Variants in ZBTB26 observed in about 807,000 individuals in gnomAD.
ZBTB26 encodes zinc finger and BTB domain containing 26.
Under a neutral mutation model 31.6 loss-of-function variants are expected in ZBTB26, and 12 were observed. The ratio of observed to expected loss-of-function variants is 0.38; its 90% confidence interval spans 0.24 to 0.61. ZBTB26 has a LOEUF of 0.61. Ranked by LOEUF, ZBTB26 falls within the 20% of genes least tolerant of loss-of-function variation. The probability of loss-of-function intolerance (pLI) is 0.60; values close to 1 mark genes in which losing one functional copy is unlikely to be tolerated. For synonymous variants in ZBTB26, 155 were observed against 182.9 expected (o/e 0.85, Z 1.23); for missense variants, 311 against 521.9 (o/e 0.60, Z 3.94).
At chr9:122,929,474 C>T (rs1322236678) in intron 1 of ZBTB26, among the ~76,000 whole-genome samples, 1 of 152,168 alleles carries the variant, frequency 6.6e-6, no homozygotes, top group African/African-American at 2.4e-5. Flanking sequence ...AGCCGTATTT[C>T]CTAGGATCAA....
intron 1 of ZBTB26, among the ~76,000 whole-genome samples, chr9:122,930,209 C>CA (rs1046663000): frequency 5.9e-5 from 9 of 151,546 alleles, no homozygotes; most frequent in Non-Finnish European, 1.0e-4. Flanking sequence ...TCAACATGTC[C>CA]AAAAAATGAA....
intron 1 of ZBTB26, among the ~76,000 whole-genome samples, chr9:122,922,274 C>T (rs1252540517): frequency 6.6e-6 from 1 of 152,058 alleles, no homozygotes; most frequent in East Asian, 1.9e-4. Context: ...AAAAACACCA[C>T]TTTCTAAACA....
At chr9:122,920,055 T>C (rs1833072898) in intron 1 of ZBTB26, 111 bp from the exon 2 acceptor site, 1 of 1,259,298 alleles carries the variant, frequency 7.9e-7, no homozygotes, top group African/African-American at 1.5e-5. Flanking sequence ...TTTGTATGTA[T>C]CCAAATGAAA....
intron 1 of ZBTB26, among the ~76,000 whole-genome samples, chr9:122,921,091 C>CA (rs886599068): frequency 6.6e-6 from 1 of 152,180 alleles, no homozygotes; most frequent in African/African-American, 2.4e-5. Context: ...ACCCATTCAA[C>CA]AATGGAGAAG....
chr9:122,919,667 T>C lies in ZBTB26; in HGVS notation c.268A>G (p.Ser90Gly). 1 of 1,614,210 alleles carries C rather than the reference T, an allele frequency of 6.2e-7. No homozygotes were observed. The highest frequency in any genetic ancestry group is 2.2e-5 in the East Asian group (1 of 44,892). Residue 90 changes from serine (S) to glycine (G), a missense_variant, in exon 2 of 2, where the codon AGT (serine) becomes GGT (glycine). Physicochemically the swap from Ser to Gly is moderately conservative, Grantham distance 56. Around this residue, in one of 5 missense-constraint regions of ZBTB26, gnomAD observed 207 missense variants for 298.6 expected, o/e 0.69. Transcript: ENST00000373656. The surrounding 1 kb of genome is among the most constrained non-coding windows in gnomAD (Gnocchi z 6.1). Reference sequence around the variant, plus strand: ...ATCTCAGGGAATTCCAGCACACCACTATAACAGGATAAGAGCAATTGTCTC... The same window carrying C: ...ATCTCAGGGAATTCCAGCACACCACCATAACAGGATAAGAGCAATTGTCTC... ...VGRQLLLSCY[S>G]GVLEFPEMEL...
rs576780297 is a variant in ZBTB26, at chr9:122,918,585, G to C, written c.*24C>G. 1.3e-6 allele frequency: 2 copies of C among 1,593,294 alleles called. No homozygotes were observed. Among genetic ancestry groups the C allele is most frequent in the South Asian group, 1.1e-5 (1 of 87,470 alleles). Reference sequence around the variant, plus strand: ...CTATTGCCACATTGTCAGTCAGTTCGAGTTGTGAGCATGAAGCCCCTACTC... The same window carrying C: ...CTATTGCCACATTGTCAGTCAGTTCCAGTTGTGAGCATGAAGCCCCTACTC... On this transcript the variant is annotated 3_prime_UTR_variant, in exon 2 of 2. Coordinates refer to ENST00000373656, the MANE Select transcript of ZBTB26 (RefSeq NM_020924.4).
At position 122,917,127 on chromosome 9, in the gene ZBTB26, T is replaced by C. The variant is rs575637700; in HGVS notation, c.*1482A>G. The C allele has an allele frequency of 2.0e-5, 3 of 152,342 alleles. No homozygotes were observed. Among genetic ancestry groups the C allele is most frequent in the Non-Finnish European group, 4.4e-5 (3 of 68,024 alleles). 9.4% of individuals were successfully genotyped at this position (152,342 alleles called of 1,614,324 possible). ...CTCTGCGATATTTTGTTGGCAAAATTCAGGTTGTCTCAGAAAGCCAACAGG... is the reference window on the plus strand; with the variant it reads ...CTCTGCGATATTTTGTTGGCAAAATCCAGGTTGTCTCAGAAAGCCAACAGG... On this transcript the variant is annotated 3_prime_UTR_variant, in exon 2 of 2. Transcript: ENST00000373656.
chr9:122,930,529 T>C (rs1833256395), intron 1 of ZBTB26, among the ~76,000 whole-genome samples: 1 of 152,260 alleles, frequency 6.6e-6, no homozygotes, highest in Admixed American at 6.5e-5. Flanking sequence ...CCCTTCTCTA[T>C]GGGCTTTCTA....
At chr9:122,923,614 T>A (rs1833134689) in intron 1 of ZBTB26, among the ~76,000 whole-genome samples, 1 of 152,220 alleles carries the variant, frequency 6.6e-6, no homozygotes, top group Admixed American at 6.5e-5. Flanking sequence ...AAAAGTGGCA[T>A]TCTTTTTTAG....
chr9:122,928,163 T>C (rs1445393609), intron 1 of ZBTB26, among the ~76,000 whole-genome samples: 3 of 152,230 alleles, frequency 2.0e-5, no homozygotes, highest in Non-Finnish European at 2.9e-5. Context: ...ACAATACTTC[T>C]ATATGTCTAG....
chr9:122,926,924 T>C (rs1359682928), intron 1 of ZBTB26, among the ~76,000 whole-genome samples: 2 of 152,228 alleles, frequency 1.3e-5, no homozygotes, highest in Non-Finnish European at 2.9e-5. Flanking sequence ...CTTCTAAGTA[T>C]AGCAGTAATT....
At chr9:122,929,781 C>G (rs1338535871) in intron 1 of ZBTB26, among the ~76,000 whole-genome samples, 1 of 152,090 alleles carries the variant, frequency 6.6e-6, no homozygotes, top group Non-Finnish European at 1.5e-5. Flanking sequence ...TACTAAATTG[C>G]TTTTTAAAAG....
rs1206867316 is a variant in ZBTB26 at position 122,916,707 on chromosome 9, G to A, written c.*1902C>T. 2 of 152,046 alleles carry A rather than the reference G, an allele frequency of 1.3e-5. No individual in the cohort carries two copies. The highest frequency in any genetic ancestry group is 4.8e-5 in the African/African-American group (2 of 41,388). 9.4% of individuals were successfully genotyped at this position (152,046 alleles called of 1,614,324 possible). A position where few individuals can be genotyped will look rare whatever the true frequency, so the allele number is the denominator to read the frequency against. On this transcript the variant is annotated 3_prime_UTR_variant, in exon 2 of 2. Transcript: ENST00000373656. The stretch of plus-strand genomic sequence containing the variant: ...TAGACCATATAATGAGTGATGTTAG[G>A]CATAAGGTACCTATTAGTCTTACCA...
At position 122,918,733 on chromosome 9, in the gene ZBTB26, G is replaced by T; in HGVS notation, c.1202C>A (p.Ala401Glu). Residue 401 changes from alanine (A) to glutamate (E), a missense_variant, in exon 2 of 2, where the codon GCA becomes GAA. Transcript: ENST00000373656. ...QDLTVDFDSFACTTVTDSKGC... is the reference protein window; with the variant it reads ...QDLTVDFDSFECTTVTDSKGC... ...TTTAGAGTCTGTGACTGTTGTACAT[G>T]CAAAAGAATCAAAATCCACTGTGAG... 1 of 1,614,152 alleles carries T rather than the reference G, an allele frequency of 6.2e-7. No individual in the cohort carries two copies. Among genetic ancestry groups the T allele is most frequent in the South Asian group, 1.1e-5 (1 of 91,082 alleles).
chr9:122,918,841 T>C lies in ZBTB26; in HGVS notation c.1094A>G (p.His365Arg). The change falls in exon 2 of 2, where the codon CAT becomes CGT. Residue 365 changes from histidine to arginine, a missense_variant. Around this residue, in one of 5 missense-constraint regions of ZBTB26, gnomAD observed 25 missense variants for 93.0 expected, o/e 0.27. Transcript: ENST00000373656. ...KCNYCDMVFA[H>R]KPVLRKHLKQ... ...AAGGTGTTTCCTCAAAACTGGTTTATGTGCAAAAACCATATCACAATAGTT... is the reference window on the plus strand; with the variant it reads ...AAGGTGTTTCCTCAAAACTGGTTTACGTGCAAAAACCATATCACAATAGTT... 1.2e-6 allele frequency: 2 copies of C among 1,614,232 alleles called. No individual in the cohort carries two copies. Among genetic ancestry groups the C allele is most frequent in the Non-Finnish European group, 1.7e-6 (2 of 1,180,022 alleles).
intron 1 of ZBTB26, among the ~76,000 whole-genome samples, chr9:122,920,521 T>C (rs1442367628): frequency 6.6e-6 from 1 of 152,200 alleles, no homozygotes; most frequent in Admixed American, 6.5e-5. Flanking sequence ...TTTAAACAAC[T>C]GCACTGACAC....
In ZBTB26 at chr9:122,916,651, A is replaced by G. The variant is rs979956888; in HGVS notation, c.*1958T>C. 1 of 152,348 alleles carries G rather than the reference A, an allele frequency of 6.6e-6. No individual in the cohort carries two copies. Among genetic ancestry groups the G allele is most frequent in the Middle Eastern group, 3.4e-3 (1 of 294 alleles). The allele number at this position is 152,348 out of a possible 1,614,324, so 9.4% of individuals were successfully genotyped here. A position where few individuals can be genotyped will look rare whatever the true frequency, so the allele number is the denominator to read the frequency against. On this transcript the variant is annotated 3_prime_UTR_variant, in exon 2 of 2. Transcript: ENST00000373656. ...AGAATTGGTACTCTTTGGCTGGATC[A>G]TGTAAAAATCACAATGCTAGGAAGC...
Position 122,918,621 on chromosome 9 carries a change from A to G in ZBTB26, c.1314T>C (p.Thr438=), listed in dbSNP as rs768228711. The change falls in exon 2 of 2, where the codon ACT becomes ACC. Residue 438 remains threonine, a synonymous_variant. Transcript: ENST00000373656. ...ATGAAGCCCCTACTCAATTCACACA[A>G]GTACTATCATTTCTTAAGTTCAGGA... The part of the protein sequence containing the change: ...QAVLNLRNDS[T]CVN 5 of 1,612,542 alleles carry G rather than the reference A, an allele frequency of 3.1e-6. No individual in the cohort carries two copies. The East Asian group carries it at 8.9e-5, about 29-fold the overall frequency.
intron 1 of ZBTB26, among the ~76,000 whole-genome samples, chr9:122,930,024 A>C (rs1329126396): frequency 6.6e-6 from 1 of 151,480 alleles, no homozygotes; most frequent in African/African-American, 2.4e-5. Context: ...TCCCCCCCCA[A>C]ATTTCCTTAT....
Sources: gnomAD v4.1 joint callset for allele counts (sites outside exome capture counted in the v4.1 genomes callset) on GRCh38, gnomAD v4.1.1 for gene constraint, gnomAD v4.1.1 regional missense constraint, Gnocchi (gnomAD v3.1) non-coding constraint, MANE v1.5 for transcripts, NCBI Gene and HGNC (gene_info 2026-07-23, HGNC 2026-07-21) for gene names.